IGF2BP2: variants seen among roughly 807,000 people sequenced by gnomAD.
IGF2BP2 encodes insulin like growth factor 2 mRNA binding protein 2, also known as insulin-like growth factor 2 mRNA-binding protein 2.
Under a neutral mutation model 75.8 loss-of-function variants are expected in IGF2BP2, and 17 were observed. That is an observed-to-expected ratio of 0.22 (90% confidence interval 0.15 to 0.34). The LOEUF (loss-of-function observed/expected upper bound fraction) is 0.34, where lower values mean the gene tolerates loss of function less well. IGF2BP2 is among the 10% of genes least tolerant of loss of function. The pLI, the probability that IGF2BP2 is intolerant of heterozygous loss-of-function variation, is 1.00. For missense variants in IGF2BP2, 516 were observed against 772.4 expected (o/e 0.67, Z 3.93); for synonymous variants, 288 against 295.6 (o/e 0.97, Z 0.26).
At chr3:185,685,902 C>T (rs981096491) in intron 7 of IGF2BP2, among the ~76,000 whole-genome samples, 4 of 152,168 alleles carry the variant, frequency 2.6e-5, no homozygotes, top group African/African-American at 9.7e-5. Context: ...CCTTGGCCTC[C>T]CAAAGCACTG....
chr3:185,746,672 G>T (rs577309343), intron 2 of IGF2BP2, among the ~76,000 whole-genome samples: 3 of 152,280 alleles, frequency 2.0e-5, no homozygotes, highest in African/African-American at 7.2e-5. Flanking sequence ...CAAAAGTGGG[G>T]ACAAAGCCAA....
intron 2 of IGF2BP2, among the ~76,000 whole-genome samples, chr3:185,798,556 T>C (rs1179974469): frequency 1.3e-5 from 2 of 152,188 alleles, no homozygotes; most frequent in African/African-American, 4.8e-5. Context: ...AATTATTGTA[T>C]TGTTGATTTT....
At chr3:185,824,514 G>C (rs890243577) in intron 1 of IGF2BP2, among the ~76,000 whole-genome samples, 47 of 151,112 alleles carry the variant, frequency 3.1e-4, no homozygotes, top group Non-Finnish European at 6.5e-4. Flanking sequence ...TAAGGAGCCG[G>C]CGAGCCTCGG....
intron 2 of IGF2BP2, among the ~76,000 whole-genome samples, chr3:185,818,645 C>CT (rs980489955): frequency 1.3e-5 from 2 of 152,210 alleles, no homozygotes; most frequent in African/African-American, 4.8e-5. Context: ...ATAATATCCT[C>CT]TAACAATTCT....
chr3:185,762,576 T>A (rs1732526696), intron 2 of IGF2BP2, among the ~76,000 whole-genome samples: 1 of 151,384 alleles, frequency 6.6e-6, no homozygotes, highest in South Asian at 2.1e-4. Flanking sequence ...AGACACAAAT[T>A]TGGGAAATAC....
chr3:185,647,354 AGGGAG>A lies in IGF2BP2; in HGVS notation c.1594-221_1594-217del, dbSNP rs1183833397. Among the ~76,000 whole-genome samples the A allele has an allele frequency of 1.3e-5, 2 of 151,912 alleles. No homozygotes were observed. Among genetic ancestry groups the A allele is most frequent in the Non-Finnish European group, 2.9e-5 (2 of 67,964 alleles). ...CCCTGACAGGCTCAATGACAGGGAG[AGGGAG>A]TCCAGCCACAGATTCCTGGGGCTGC... On this transcript the variant is annotated intron_variant, in intron 14 of 15. Transcript: ENST00000382199. The surrounding 1 kb of genome is among the most constrained non-coding windows in gnomAD (Gnocchi z 4.9).
intron 2 of IGF2BP2, chr3:185,725,210 T>C (rs2149485918): frequency 6.6e-6 from 1 of 152,320 alleles, no homozygotes; most frequent in Non-Finnish European, 1.5e-5. Context: ...AGTCTGATAA[T>C]ATGGTGGTTA....
intron 3 of IGF2BP2, among the ~76,000 whole-genome samples, chr3:185,697,295 G>A (rs1185490247): frequency 2.6e-5 from 4 of 152,092 alleles, no homozygotes; most frequent in Admixed American, 1.3e-4. Flanking sequence ...TAGTAGAGAC[G>A]TGGTTTCACC....
At chr3:185,650,302 C>G (rs1023876017) in intron 13 of IGF2BP2, among the ~76,000 whole-genome samples, 1 of 151,390 alleles carries the variant, frequency 6.6e-6, no homozygotes, top group African/African-American at 2.4e-5. Flanking sequence ...GAAAAAGAAC[C>G]ACAGCTTACA....
At chr3:185,668,494 GAGAGAGAGAGAGAGATATAT>G (rs1004376562) in intron 10 of IGF2BP2, among the ~76,000 whole-genome samples, 2 of 121,584 alleles carry the variant, frequency 1.6e-5, no homozygotes, top group African/African-American at 6.6e-5. Context: ...GTTCGAGAGA[GAGAGAGAGAGAGAGATATAT>G]ATATATATAT....
intron 8 of IGF2BP2, 85 bp downstream of exon 8, chr3:185,675,706 G>A (rs1405569553): frequency 6.7e-7 from 1 of 1,485,854 alleles, no homozygotes; most frequent in African/African-American, 1.4e-5. Flanking sequence ...TCCCATTTTA[G>A]GGAAAAGTAG....
At chr3:185,764,187 A>G (rs1732753682) in intron 2 of IGF2BP2, among the ~76,000 whole-genome samples, 1 of 145,254 alleles carries the variant, frequency 6.9e-6, no homozygotes, top group African/African-American at 2.4e-5. Context: ...AAATCCATAA[A>G]GTAAATAAAA....
At chr3:185,799,771 G>A (rs948864033) in intron 2 of IGF2BP2, among the ~76,000 whole-genome samples, 43 of 151,376 alleles carry the variant, frequency 2.8e-4, no homozygotes, top group African/African-American at 9.9e-4. Context: ...AAAAAAGTCA[G>A]GAAACAACAG....
intron 2 of IGF2BP2, among the ~76,000 whole-genome samples, chr3:185,818,362 C>T (rs538783040): frequency 6.6e-6 from 1 of 152,300 alleles, no homozygotes; most frequent in East Asian, 1.9e-4. Context: ...ACTCCAGGTA[C>T]CTGTGACTTG....
At chr3:185,718,705 A>AG (rs1040119966) in intron 2 of IGF2BP2, among the ~76,000 whole-genome samples, 6 of 151,254 alleles carry the variant, frequency 4.0e-5, no homozygotes, top group Non-Finnish European at 8.8e-5. Flanking sequence ...AAAAAAAAAA[A>AG]AAAGAAAGTC....
chr3:185,704,186 G>C (rs1247748093), intron 2 of IGF2BP2, among the ~76,000 whole-genome samples: 2 of 152,188 alleles, frequency 1.3e-5, no homozygotes, highest in African/African-American at 2.4e-5. Context: ...CCTGTAAAGA[G>C]AGGCAGGTAT....
chr3:185,675,119 G>A (rs1482632888), intron 9 of IGF2BP2, 177 bp downstream of exon 9: 2 of 439,784 alleles, frequency 4.5e-6, no homozygotes, highest in South Asian at 3.7e-5. Context: ...TTCACGTGAT[G>A]TTGTCCAGCG....
chr3:185,725,979 T>G (rs916996463), intron 2 of IGF2BP2, among the ~76,000 whole-genome samples: 1 of 152,034 alleles, frequency 6.6e-6, no homozygotes, highest in African/African-American at 2.4e-5. Flanking sequence ...ATTAATAAAT[T>G]AATTACTTAA....
rs75243410 is a variant in IGF2BP2 at position 185,754,357 on chromosome 3, C to T, written c.240-56010G>A. ...AGAAGCCAAGCAGAAGCAAGCACCA[C>T]GATTTCTGTACAGACTGCAAAACTG... On this transcript the variant is annotated intron_variant, in intron 2 of 15. Coordinates refer to ENST00000382199, the MANE Select transcript of IGF2BP2 (RefSeq NM_006548.6). Among the ~76,000 whole-genome samples the T allele has an allele frequency of 2.5e-3, 384 of 152,140 alleles. 1 individual carries two copies. Among genetic ancestry groups the T allele is most frequent in the Non-Finnish European group, 4.3e-3 (295 of 68,012 alleles).
Sources: allele counts gnomAD v4.1 joint callset (sites outside exome capture counted in the v4.1 genomes callset), GRCh38; gene constraint gnomAD v4.1.1; non-coding constraint Gnocchi (gnomAD v3.1); transcripts MANE v1.5; gene names NCBI Gene and HGNC (gene_info 2026-07-23, HGNC 2026-07-21).